PRUNE2: variants seen among roughly 807,000 people sequenced by gnomAD.
PRUNE2 encodes the protein protein prune homolog 2.
PRUNE2 carries 164 observed loss-of-function variants against 252.0 expected under a neutral mutation model. That is an observed-to-expected ratio of 0.65 (90% CI 0.57 to 0.74). The LOEUF (loss-of-function observed/expected upper bound fraction) is 0.74. PRUNE2 is among the 30% of genes least tolerant of loss of function. The probability of loss-of-function intolerance (pLI) is 0.00; values close to 1 mark genes in which losing one functional copy is unlikely to be tolerated. For synonymous variants in PRUNE2, 1,292 were observed against 1,350.2 expected (o/e 0.96, Z 0.94); for missense variants, 3,495 against 3,711.0 (o/e 0.94, Z 1.51).
chr9:76,883,838 C>T (rs2061934573), intron 1 of PRUNE2, among the ~76,000 whole-genome samples: 1 of 152,204 alleles, frequency 6.6e-6, no homozygotes, highest in Non-Finnish European at 1.5e-5. Flanking sequence ...GTCTCTTTCT[C>T]CATCCCTTGA....
At chr9:76,840,747 G>C (rs1362151021) in intron 4 of PRUNE2, among the ~76,000 whole-genome samples, 2 of 152,196 alleles carry the variant, frequency 1.3e-5, no homozygotes, top group South Asian at 2.1e-4. Flanking sequence ...TTGGGAGGCT[G>C]AGGCGGGCAG....
chr9:76,780,444 T>C (rs2054249458), intron 6 of PRUNE2, among the ~76,000 whole-genome samples: 1 of 152,008 alleles, frequency 6.6e-6, no homozygotes, highest in Non-Finnish European at 1.5e-5. Flanking sequence ...TCCCAGCACT[T>C]TGGGAGGCCG....
rs890752660 is a variant in PRUNE2 at position 76,707,507 on chromosome 9, A to G, written c.4767T>C (p.Thr1589=). ...TGGTAACTATTTCTACTTGGCCATCAGTGGTAATTAGTTCAGATTCTTGGT... is the reference window on the plus strand; with the variant it reads ...TGGTAACTATTTCTACTTGGCCATCGGTGGTAATTAGTTCAGATTCTTGGT... ...QNHQESELIT[T]DGQVEIVTKV... The change falls in exon 8 of 19, where the codon ACT becomes ACC. Residue 1589 remains threonine (T), a synonymous_variant. Transcript: ENST00000376718. 3.1e-6 allele frequency: 5 copies of G among 1,613,748 alleles called. No individual in the cohort carries two copies. The highest frequency in any genetic ancestry group is 2.7e-5 in the African/African-American group (2 of 74,894).
intron 6 of PRUNE2, among the ~76,000 whole-genome samples, chr9:76,801,282 G>A (rs1003058565): frequency 1.3e-5 from 2 of 152,154 alleles, no homozygotes; most frequent in Admixed American, 6.5e-5. Flanking sequence ...AGCCTCAAGT[G>A]AAACTGATTA....
intron 6 of PRUNE2, among the ~76,000 whole-genome samples, chr9:76,793,535 G>T (rs1564317663): frequency 6.6e-6 from 1 of 152,182 alleles, no homozygotes; most frequent in Non-Finnish European, 1.5e-5. Context: ...CCTGCAGCTG[G>T]CTTAGAAGGG....
chr9:76,812,613 C>A (rs891283123), intron 6 of PRUNE2, among the ~76,000 whole-genome samples: 1 of 152,186 alleles, frequency 6.6e-6, no homozygotes, highest in Non-Finnish European at 1.5e-5. Context: ...TTCTAGCGAC[C>A]TTATGCTTAT....
At chr9:76,628,851 C>CTT (rs10632629) in intron 16 of PRUNE2, among the ~76,000 whole-genome samples, 12,732 of 145,230 alleles carry the variant, frequency 0.088, 626 homozygotes, top group Non-Finnish European at 0.11. Flanking sequence ...CAAACACACA[C>CTT]TTTTTTTTTT....
intron 1 of PRUNE2, among the ~76,000 whole-genome samples, chr9:76,855,695 A>AT (rs1439386413): frequency 9.9e-5 from 15 of 152,114 alleles, no homozygotes; most frequent in East Asian, 9.7e-4. Flanking sequence ...ATTAAAATAA[A>AT]TTTTTTTTCA....
At chr9:76,824,433 A>T (rs1379351057) in intron 5 of PRUNE2, among the ~76,000 whole-genome samples, 1 of 152,196 alleles carries the variant, frequency 6.6e-6, no homozygotes, top group East Asian at 1.9e-4. Flanking sequence ...GCACTTTACA[A>T]ATGTGACTCG....
chr9:76,752,934 T>C (rs2050761962), intron 6 of PRUNE2, among the ~76,000 whole-genome samples: 1 of 152,218 alleles, frequency 6.6e-6, no homozygotes, highest in Non-Finnish European at 1.5e-5. Context: ...ATAATTCTAA[T>C]AGAAAAAGAA....
chr9:76,726,208 G>C (rs1225843795), intron 6 of PRUNE2, among the ~76,000 whole-genome samples: 1 of 152,186 alleles, frequency 6.6e-6, no homozygotes, highest in African/African-American at 2.4e-5. Context: ...GTTCCCACTT[G>C]GGTTCGGTGC....
chr9:76,905,794 G>A, intron 1 of PRUNE2, 134 bp downstream of exon 1: 1 of 1,154,986 alleles, frequency 8.7e-7, no homozygotes, highest in Non-Finnish European at 1.3e-6. Context: ...ATTTCTTCCA[G>A]GAGACAACCC....
intron 6 of PRUNE2, among the ~76,000 whole-genome samples, chr9:76,775,302 G>A (rs1447923262): frequency 6.7e-6 from 1 of 148,488 alleles, no homozygotes; most frequent in Non-Finnish European, 1.5e-5. Context: ...TTTGTACTTT[G>A]TCTTTTTTTT....
intron 4 of PRUNE2, among the ~76,000 whole-genome samples, chr9:76,833,555 G>T (rs1308819997): frequency 6.6e-6 from 1 of 151,916 alleles, no homozygotes; most frequent in Non-Finnish European, 1.5e-5. Context: ...CACGAAGTCA[G>T]GAGATCGAGA....
At chr9:76,650,624 T>C (rs112226150) in intron 11 of PRUNE2, among the ~76,000 whole-genome samples, 2,245 of 152,310 alleles carry the variant, frequency 0.015, 56 homozygotes, top group African/African-American at 0.051. Flanking sequence ...TCTGACTATA[T>C]ATCTTTCATT....
chr9:76,785,103 C>T (rs1452767306), intron 6 of PRUNE2: 1 of 152,248 alleles, frequency 6.6e-6, no homozygotes, highest in Non-Finnish European at 1.5e-5. Context: ...TCTCCCCATC[C>T]CTCCAGCCTT....
intron 7 of PRUNE2, among the ~76,000 whole-genome samples, chr9:76,712,186 G>T (rs1249887356): frequency 2.0e-5 from 3 of 152,106 alleles, no homozygotes; most frequent in African/African-American, 7.2e-5. Context: ...GCCAGGCATG[G>T]TTCTAAGGGT....
chr9:76,903,044 A>G (rs2063274815), intron 1 of PRUNE2, among the ~76,000 whole-genome samples: 1 of 152,214 alleles, frequency 6.6e-6, no homozygotes, highest in African/African-American at 2.4e-5. Context: ...AAAATTCAAA[A>G]TATCCTTTTC....
At position 76,711,143 on chromosome 9, in the gene PRUNE2, G is replaced by C. The variant is rs776333690; in HGVS notation, c.1131C>G (p.Pro377=). Reference sequence around the variant, plus strand: ...TAATCCCAGAAGACCCCTGGGAGAGGGGGGCACTGCCTGCCACGGCTTCTG... The same window carrying C: ...TAATCCCAGAAGACCCCTGGGAGAGCGGGGCACTGCCTGCCACGGCTTCTG... ...SSTEAVAGSA[P]LSQGSSGIME... is the part of the protein sequence containing the mutation. The change falls in exon 8 of 19, where the codon CCC becomes CCG. Residue 377 remains proline (P), a synonymous_variant. Transcript: ENST00000376718. The C allele has an allele frequency of 2.8e-5, 45 of 1,613,778 alleles. No homozygotes were observed. Among genetic ancestry groups the C allele is most frequent in the Non-Finnish European group, 3.7e-5 (44 of 1,179,836 alleles).
Sources: gnomAD v4.1 joint callset for allele counts (sites outside exome capture counted in the v4.1 genomes callset) on GRCh38, gnomAD v4.1.1 for gene constraint, MANE v1.5 for transcripts, NCBI Gene and HGNC (gene_info 2026-07-23, HGNC 2026-07-21) for gene names.